MS4A6A: variants seen among roughly 807,000 people sequenced by gnomAD.
The protein encoded by MS4A6A is membrane-spanning 4-domains subfamily A member 6A.
A neutral mutation model predicts 20.6 loss-of-function variants in MS4A6A; 19 were observed. That is an observed-to-expected ratio of 0.92 (90% CI 0.64 to 1.36). The LOEUF (loss-of-function observed/expected upper bound fraction) is 1.36, where lower values mean the gene tolerates loss of function less well. MS4A6A is among the 40% of genes most tolerant of loss of function. The pLI is 0.00. For missense variants in MS4A6A, 272 were observed against 261.1 expected, an observed-to-expected ratio of 1.04 and a Z score of -0.29; for synonymous variants, 108 against 105.0, an observed-to-expected ratio of 1.03 and a Z score of -0.17.
downstream of MS4A6A, chr11:60,172,308 T>A (rs1361663912): frequency 2.5e-6 from 4 of 1,597,268 alleles, no homozygotes; most frequent in Non-Finnish European, 3.4e-6. Context: ...TCAAGATAGA[T>A]GTATATATGC....
chr11:60,172,382 G>A (rs1225876277), downstream of MS4A6A: 6 of 1,422,794 alleles, frequency 4.2e-6, no homozygotes, highest in South Asian at 1.0e-4. Flanking sequence ...ATATCACCAG[G>A]TTCTTCAAAT....
At chr11:60,176,369 G>T (rs978575570) in intron 4 of MS4A6A, among the ~76,000 whole-genome samples, 5 of 152,102 alleles carry the variant, frequency 3.3e-5, no homozygotes, top group African/African-American at 1.2e-4. Context: ...GACTTGCCTT[G>T]GTTTATTCCC....
chr11:60,181,103 G>C (rs1226622005), intron 2 of MS4A6A: 1 of 450,116 alleles, frequency 2.2e-6, no homozygotes. Context: ...TTCTGGGTGA[G>C]AGGAGAAACA....
chr11:60,179,522 A>C, intron 3 of MS4A6A: 5 of 576,320 alleles, frequency 8.7e-6, no homozygotes, highest in East Asian at 2.8e-5. Context: ...GTTCCTTCCC[A>C]ACTTTATCCT....
intron 4 of MS4A6A, 158 bp downstream of exon 4, chr11:60,178,102 G>C (rs983194949): frequency 1.5e-6 from 1 of 676,954 alleles, no homozygotes; most frequent in Non-Finnish European, 2.6e-6. Context: ...CTCTGAACAA[G>C]GATACAGAGG....
At chr11:60,176,966 T>C (rs958827828) in intron 4 of MS4A6A, 3 of 152,168 alleles carry the variant, frequency 2.0e-5, no homozygotes, top group African/African-American at 7.2e-5. Context: ...GCACTACCCT[T>C]GTGCCAGGCT....
chr11:60,183,298 G>A, upstream of MS4A6A: 1 of 897,334 alleles, frequency 1.1e-6, no homozygotes, highest in Non-Finnish European at 1.7e-6. Flanking sequence ...CCTGTTGTTA[G>A]GCAAGTCTGT....
Position 60,172,829 on chromosome 11 carries a change from T to A in MS4A6A, c.*172A>T. ...TTTCTCATGATTAACTATTTTCATA[T>A]CCAGTGAATTTTCAGCTTATCAGCT... is the stretch of plus-strand genomic sequence containing the variant. On this transcript the variant is annotated 3_prime_UTR_variant, in exon 6 of 6. Coordinates refer to ENST00000528851, the MANE Select transcript of MS4A6A (RefSeq NM_022349.4). The A allele has an allele frequency of 7.1e-7, 1 of 1,407,200 alleles. No homozygotes were observed. The highest frequency in any genetic ancestry group is 2.8e-5 in the Admixed American group (1 of 35,434). The allele number at this position is 1,407,200 out of a possible 1,614,324, so 87.2% of individuals were successfully genotyped here.
In MS4A6A at chr11:60,181,562, C is replaced by T. The variant is rs375489652; in HGVS notation, c.147+19G>A. ...CACTTCCCCCAACCCCTCTCCAACA[C>T]GTTCTGAATTAGATTTACCCCAATA... On this transcript the variant is annotated intron_variant, in intron 2 of 5. Coordinates refer to ENST00000528851, the MANE Select transcript of MS4A6A (RefSeq NM_022349.4). The T allele has an allele frequency of 2.7e-5, 43 of 1,613,604 alleles. No individual in the cohort carries two copies. The highest frequency in any genetic ancestry group is 4.5e-5 in the East Asian group (2 of 44,878).
In MS4A6A at chr11:60,175,516, G is replaced by A. The variant is rs1386978819; in HGVS notation, c.435C>T (p.Ala145=). 1 of 1,614,096 alleles carries A rather than the reference G, an allele frequency of 6.2e-7. No homozygotes were observed. The highest frequency in any genetic ancestry group is 8.5e-7 in the Non-Finnish European group (1 of 1,179,984). ...TTTTGTCCAACTCACACTGCAGTGA[G>A]GCAGGATTTAAGGTGGCCTGTTTGA... ...LSVKQATLNP[A]SLQCELDKNN... The change falls in exon 5 of 6, where the codon GCC becomes GCT. Residue 145 remains alanine (A), a synonymous_variant. Transcript: ENST00000528851.
Position 60,178,949 on chromosome 11 carries a change from G to A in MS4A6A, c.283-633C>T, listed in dbSNP as rs1037993323. The A allele has an allele frequency of 1.3e-5, 4 of 308,008 alleles. No homozygotes were observed. The Admixed American group carries it at 1.9e-4, about 15-fold the overall frequency. 19.1% of individuals were successfully genotyped at this position (308,008 alleles called of 1,614,324 possible). On this transcript the variant is annotated intron_variant, in intron 3 of 5. Transcript: ENST00000528851. ...GAAAAGGAAAATCTTAGACAGCCTA[G>A]AGGACCCTGAGGAGACATCATGACA...
At position 60,179,992 on chromosome 11, in the gene MS4A6A, G is replaced by A. The variant is rs757658575; in HGVS notation, c.148-27C>T. The A allele has an allele frequency of 2.5e-6, 4 of 1,606,886 alleles. No homozygotes were observed. In the East Asian group the frequency reaches 8.9e-5, roughly 36 times the overall value. The stretch of plus-strand genomic sequence containing the variant: ...TGTGGGAAGAGAAAGTGAGATTGAG[G>A]ATGAAAACCAGCATTTGTAAAGACA... On this transcript the variant is annotated intron_variant, in intron 2 of 5. Coordinates refer to ENST00000528851, the MANE Select transcript of MS4A6A (RefSeq NM_022349.4).
At position 60,174,900 on chromosome 11, in the gene MS4A6A, T is replaced by G. The variant is rs1375369019; in HGVS notation, c.549+502A>C. ...ACCTGATCAGTATTATTCATTATTGTGATCATTAGAAGAAGAAGCCCTTAT... is the reference window on the plus strand; with the variant it reads ...ACCTGATCAGTATTATTCATTATTGGGATCATTAGAAGAAGAAGCCCTTAT... On this transcript the variant is annotated intron_variant, in intron 5 of 5. Transcript: ENST00000528851. 2.6e-5 allele frequency among the ~76,000 whole-genome samples: 4 copies of G among 152,150 alleles called. No homozygotes were observed. In the South Asian group the frequency reaches 8.3e-4, roughly 32 times the overall value.
intron 5 of MS4A6A, among the ~76,000 whole-genome samples, chr11:60,173,878 C>T (rs948168417): frequency 3.9e-5 from 6 of 152,278 alleles, no homozygotes; most frequent in Middle Eastern, 6.8e-3. Context: ...AACTGGCCAT[C>T]TGATAATAAA....
upstream of MS4A6A, chr11:60,184,116 A>G (rs2083860046): frequency 6.6e-6 from 1 of 152,242 alleles, no homozygotes; most frequent in Admixed American, 6.5e-5. Context: ...TTCTGCACTT[A>G]ATTCCACACA....
intron 2 of MS4A6A, 29 bp downstream of exon 2, chr11:60,181,552 C>G (rs1047273155): frequency 6.2e-7 from 1 of 1,613,238 alleles, no homozygotes; most frequent in African/African-American, 1.3e-5. Context: ...CCCCCAACCC[C>G]TCTCCAACAC....
intron 4 of MS4A6A, among the ~76,000 whole-genome samples, chr11:60,177,623 G>A (rs958811346): frequency 1.3e-5 from 2 of 151,970 alleles, no homozygotes; most frequent in Admixed American, 1.3e-4. Flanking sequence ...ACTTTTTAGG[G>A]TGCAAGAATT....
chr11:60,175,092 C>G (rs919676504), intron 5 of MS4A6A, among the ~76,000 whole-genome samples: 9 of 152,066 alleles, frequency 5.9e-5, no homozygotes, highest in African/African-American at 2.2e-4. Context: ...CTCCATGTAC[C>G]AAGATTCTCA....
intron 5 of MS4A6A, among the ~76,000 whole-genome samples, chr11:60,173,489 C>T (rs1856686831): frequency 6.6e-6 from 1 of 152,214 alleles, no homozygotes; most frequent in South Asian, 2.1e-4. Flanking sequence ...GTTCCAGTCT[C>T]ACCTTTACTG....
Sources: gnomAD v4.1 joint callset for allele counts (sites outside exome capture counted in the v4.1 genomes callset) on GRCh38, gnomAD v4.1.1 for gene constraint, MANE v1.5 for transcripts, NCBI Gene and HGNC (gene_info 2026-07-23, HGNC 2026-07-21) for gene names.